Variants in PKMYT1 observed in about 807,000 individuals in gnomAD.
PKMYT1 encodes the protein protein kinase, membrane associated tyrosine/threonine 1, also known as membrane-associated tyrosine- and threonine-specific cdc2-inhibitory kinase.
In PKMYT1, 35 loss-of-function variants were observed where a neutral mutation model predicts 49.7. The ratio of observed to expected loss-of-function variants is 0.70; its 90% CI spans 0.54 to 0.93. The LOEUF is 0.93. PKMYT1 is among the 40% of genes least tolerant of loss of function. The pLI is 0.00. For synonymous variants in PKMYT1, 331 were observed against 287.6 expected (o/e 1.15, Z -1.53); for missense variants, 677 against 673.1 (o/e 1.01, Z -0.06).
intron 2 of PKMYT1, 22 bp from the exon 3 acceptor site, chr16:2,977,053 G>A (rs1178628265): frequency 5.7e-6 from 9 of 1,590,204 alleles, no homozygotes; most frequent in Non-Finnish European, 7.7e-6. Context: ...GACAGAGGCT[G>A]AGTACAGGGC....
Position 2,974,532 on chromosome 16 carries a change from C to T in PKMYT1, c.979+18G>A. The T allele has an allele frequency of 6.5e-7, 1 of 1,545,808 alleles. No individual in the cohort carries two copies. The highest frequency in any genetic ancestry group is 8.8e-7 in the Non-Finnish European group (1 of 1,141,458). On this transcript the variant is annotated intron_variant, in intron 5 of 8. Coordinates refer to ENST00000262300, the MANE Select transcript of PKMYT1 (RefSeq NM_004203.5). ...CAGGAGCCCGTGGCAGCACCCCCTC[C>T]CGCCCTCACCTACTCACCGGCAGTG...
At position 2,972,974 on chromosome 16, in the gene PKMYT1, C is replaced by A. The variant is rs772173732; in HGVS notation, c.1479G>T (p.Glu493Asp). 7 of 1,608,990 alleles carry A rather than the reference C, an allele frequency of 4.4e-6. No homozygotes were observed. Among genetic ancestry groups the A allele is most frequent in the Non-Finnish European group, 5.9e-6 (7 of 1,178,766 alleles). ...GGGCTCAGGTTGGGTCTAGGGTGTC[C>A]TCAAACAGGCTGAGGAGGTTCCGAG... ...FEPRNLLSLF[E>D]DTLDPT The change falls in exon 9 of 9, where the codon GAG becomes GAT. Residue 493 changes from glutamate (E) to aspartate (D), a missense_variant. Transcript: ENST00000262300.
chr16:2,980,403 C>T lies in PKMYT1; in HGVS notation c.-373G>A, dbSNP rs2072310233. 1 of 152,264 alleles carries T rather than the reference C, an allele frequency of 6.6e-6. No homozygotes were observed. The highest frequency in any genetic ancestry group is 2.4e-5 in the African/African-American group (1 of 41,458). The allele number at this position is 152,264 out of a possible 1,614,324, so 9.4% of individuals were successfully genotyped here. A position where few individuals can be genotyped will look rare whatever the true frequency, so the allele number is the denominator to read the frequency against. On this transcript the variant is annotated 5_prime_UTR_variant, in exon 1 of 9. Transcript: ENST00000262300. The stretch of plus-strand genomic sequence containing the variant: ...GTCTGCCGTCGACTGTTCCGGACGC[C>T]CGGGCGGAGGACTCCCGTGAGGGGG...
intron 7 of PKMYT1, 35 bp downstream of exon 7, chr16:2,973,965 C>A: frequency 6.3e-7 from 1 of 1,595,520 alleles, no homozygotes; most frequent in Non-Finnish European, 8.6e-7. Flanking sequence ...CCCCCACCTT[C>A]CCCCTAGCCC....
Position 2,979,733 on chromosome 16 carries a change from T to C in PKMYT1, c.-76A>G, listed in dbSNP as rs1355924332. The C allele has an allele frequency of 5.0e-6, 8 of 1,606,304 alleles. No individual in the cohort carries two copies. Among genetic ancestry groups the C allele is most frequent in the African/African-American group, 1.3e-5 (1 of 74,746 alleles). On this transcript the variant is annotated 5_prime_UTR_variant, in exon 2 of 9. Coordinates refer to ENST00000262300, the MANE Select transcript of PKMYT1 (RefSeq NM_004203.5). ...GGGGCTCCCACGTGAATCCAGGGTG[T>C]CCCTGAGCTAAGGCCAGGCGGGGGT...
In PKMYT1 at chr16:2,974,256, C is replaced by T; in HGVS notation, c.1141G>A (p.Ala381Thr). Residue 381 changes from alanine (A) to threonine (T), a missense_variant, in exon 6 of 9, where the codon GCC becomes ACC. By Grantham distance (58) the Ala-to-Thr change is moderately conservative. Coordinates refer to ENST00000262300, the MANE Select transcript of PKMYT1 (RefSeq NM_004203.5). ...TGTCGGGAGCTTACCTGCCACAGGG[C>T]CCACCCTCGGCTCAGGGCCTCCGCT... is the stretch of plus-strand genomic sequence containing the variant. ...MAAEALSRGWALWQALLALLC... is the reference protein window; with the variant it reads ...MAAEALSRGWTLWQALLALLC... 6.4e-7 allele frequency: 1 copy of T among 1,566,288 alleles called. No individual in the cohort carries two copies.
intron 3 of PKMYT1, 179 bp from the exon 4 acceptor site, chr16:2,975,991 T>C: frequency 2.9e-6 from 2 of 680,830 alleles, no homozygotes; most frequent in Admixed American, 3.0e-5. Flanking sequence ...CCTCCATCCC[T>C]CGGGCTGGGT....
intron 5 of PKMYT1, 48 bp downstream of exon 5, chr16:2,974,502 C>A: frequency 2.0e-6 from 3 of 1,535,754 alleles, no homozygotes; most frequent in Non-Finnish European, 2.6e-6. Context: ...CAGCCACTAT[C>A]TCCCCAGGAG....
chr16:2,973,551 G>A (rs2072077910), intron 7 of PKMYT1: 1 of 931,768 alleles, frequency 1.1e-6, no homozygotes, highest in African/African-American at 1.7e-5. Context: ...TTGTAAGGAA[G>A]GGGCTAACGG....
chr16:2,978,878 C>T (rs2072268712), intron 2 of PKMYT1, among the ~76,000 whole-genome samples: 1 of 151,352 alleles, frequency 6.6e-6, no homozygotes, highest in Admixed American at 6.6e-5. Context: ...ATGATCTCGG[C>T]CCACTGCAGC....
intron 2 of PKMYT1, among the ~76,000 whole-genome samples, chr16:2,978,044 C>T (rs935504246): frequency 6.6e-6 from 1 of 152,196 alleles, no homozygotes; most frequent in African/African-American, 2.4e-5. Context: ...CCAAGAAGGC[C>T]AGAGGCTCCT....
In PKMYT1 at chr16:2,972,830, T is replaced by A; in HGVS notation, c.*123A>T. 2 of 1,533,310 alleles carry A rather than the reference T, an allele frequency of 1.3e-6. No individual in the cohort carries two copies. Among genetic ancestry groups the A allele is most frequent in the African/African-American group, 1.4e-5 (1 of 72,610 alleles). The allele number at this position is 1,533,310 out of a possible 1,614,324, so 95.0% of individuals were successfully genotyped here. ...AGCTTGGGTGCTCCCAAGGTTCAAA[T>A]ACTTTTTATTAGACACGGCCAGGCA... On this transcript the variant is annotated 3_prime_UTR_variant, in exon 9 of 9. Coordinates refer to ENST00000262300, the MANE Select transcript of PKMYT1 (RefSeq NM_004203.5).
At position 2,976,788 on chromosome 16, in the gene PKMYT1, C is replaced by A; in HGVS notation, c.254G>T (p.Arg85Leu). The change falls in exon 3 of 9, where the codon CGG becomes CTG. Residue 85 changes from arginine (R) to leucine (L), a missense_variant. By Grantham distance (102) the Arg-to-Leu change is moderately radical (BLOSUM62 -2). Transcript: ENST00000262300. ...CTGCAGAGTCTCTGAGGCCTCGCCC[C>A]GGAATGACACCCGCCGGGGCTGCAG... is the stretch of plus-strand genomic sequence containing the variant. Reference protein sequence around the residue: ...HQLQPRRVSFRGEASETLQSP... With the variant: ...HQLQPRRVSFLGEASETLQSP... The A allele has an allele frequency of 6.3e-7, 1 of 1,577,292 alleles. No homozygotes were observed. Among genetic ancestry groups the A allele is most frequent in the South Asian group, 1.1e-5 (1 of 87,132 alleles).
In PKMYT1 at chr16:2,972,975, TCAAA is replaced by T. The variant is rs758467743; in HGVS notation, c.1474_1477del (p.Phe492ArgfsTer4). The T allele has an allele frequency of 6.2e-7, 1 of 1,609,190 alleles. No individual in the cohort carries two copies. The highest frequency in any genetic ancestry group is 8.5e-7 in the Non-Finnish European group (1 of 1,178,756). On this transcript the variant is annotated frameshift_variant, in exon 9 of 9. Transcript: ENST00000262300. LOFTEE classifies it high-confidence loss of function. ...GGCTCAGGTTGGGTCTAGGGTGTCC[TCAAA>T]CAGGCTGAGGAGGTTCCGAGGCTCA...
intron 1 of PKMYT1, 56 bp from the exon 2 acceptor site, chr16:2,979,968 G>A (rs2151082875): frequency 2.2e-6 from 1 of 453,082 alleles, no homozygotes; most frequent in South Asian, 2.7e-5. Flanking sequence ...TGTTGCAGAA[G>A]AAGAGAGGCT....
chr16:2,973,424 T>C (rs768991811), intron 7 of PKMYT1: 2 of 1,532,736 alleles, frequency 1.3e-6, no homozygotes, highest in Middle Eastern at 3.4e-4. Flanking sequence ...AGGCCCCCTC[T>C]GTCCTTTTCA....
At chr16:2,974,843 A>G (rs2072140317) in intron 4 of PKMYT1, 187 bp from the exon 5 acceptor site, 2 of 591,992 alleles carry the variant, frequency 3.4e-6, no homozygotes, top group Non-Finnish European at 6.0e-6. Flanking sequence ...TGGGGACATC[A>G]TGGAATATGG....
At chr16:2,974,189 G>A (rs771562024) in intron 6 of PKMYT1, 32 bp from the exon 7 acceptor site, 1 of 1,571,040 alleles carries the variant, frequency 6.4e-7, no homozygotes, top group Non-Finnish European at 8.6e-7. Context: ...GATGTGGGTG[G>A]GCGGACCCCC....
chr16:2,975,981 C>T (rs1218930458), intron 3 of PKMYT1, 169 bp from the exon 4 acceptor site: 5 of 720,024 alleles, frequency 6.9e-6, no homozygotes, highest in Non-Finnish European at 1.1e-5. Flanking sequence ...ACCAGACAAA[C>T]CTCCATCCCT....
Sources: gnomAD v4.1 joint callset for allele counts (sites outside exome capture counted in the v4.1 genomes callset) on GRCh38, gnomAD v4.1.1 for gene constraint, MANE v1.5 for transcripts, NCBI Gene and HGNC (gene_info 2026-07-23, HGNC 2026-07-21) for gene names.